Variants in SMG6 observed in about 807,000 individuals in gnomAD.
SMG6 encodes telomerase-binding protein EST1A.
SMG6 carries 66 observed loss-of-function variants against 142.2 expected under a neutral mutation model. The observed-to-expected ratio is 0.46, with a 90% CI of 0.38 to 0.57. The LOEUF (loss-of-function observed/expected upper bound fraction) is 0.57, where lower values mean the gene tolerates loss of function less well. Among genes scored for constraint, SMG6 ranks in the 20% least tolerant of loss-of-function variants. The pLI, the probability that SMG6 is intolerant of heterozygous loss-of-function variation, is 0.00. For synonymous variants in SMG6, 779 were observed against 702.4 expected (o/e 1.11, Z -1.72); for missense variants, 1,793 against 1,832.0 (o/e 0.98, Z 0.39).
intron 8 of SMG6, among the ~76,000 whole-genome samples, chr17:2,250,534 C>T (rs1224436791): frequency 3.3e-5 from 5 of 151,874 alleles, no homozygotes; most frequent in African/African-American, 1.2e-4. Context: ...CCTACAGGCA[C>T]ACACAATCAT....
At position 2,297,847 on chromosome 17, in the gene SMG6, A is replaced by G; in HGVS notation, c.2040+16T>C. The G allele has an allele frequency of 6.2e-7, 1 of 1,605,088 alleles. No homozygotes were observed. Among genetic ancestry groups the G allele is most frequent in the Non-Finnish European group, 8.5e-7 (1 of 1,179,344 alleles). The stretch of plus-strand genomic sequence containing the variant: ...GCTGAAGCCTTTATCCTGAGGACAA[A>G]AAGATGACAGTTTACCTCATCCAAG... On this transcript the variant is annotated intron_variant, in intron 3 of 18. Coordinates refer to ENST00000263073, the MANE Select transcript of SMG6 (RefSeq NM_017575.5).
intron 8 of SMG6, among the ~76,000 whole-genome samples, chr17:2,250,728 G>A (rs2074028321): frequency 6.6e-6 from 1 of 151,994 alleles, no homozygotes; most frequent in Non-Finnish European, 1.5e-5. Flanking sequence ...TTTTAGAAAA[G>A]GGATCTATCC....
At chr17:2,162,621 G>A (rs1258061967) in intron 13 of SMG6, among the ~76,000 whole-genome samples, 4 of 151,628 alleles carry the variant, frequency 2.6e-5, no homozygotes, top group Non-Finnish European at 4.4e-5. Context: ...CTTGAAGCCA[G>A]GAGTTCAAGA....
intron 8 of SMG6, among the ~76,000 whole-genome samples, chr17:2,276,259 G>C (rs1056966478): frequency 5.3e-5 from 8 of 152,074 alleles, no homozygotes; most frequent in Non-Finnish European, 7.4e-5. Flanking sequence ...GCATCCAGTT[G>C]AATCAAGCTG....
intron 15 of SMG6, among the ~76,000 whole-genome samples, chr17:2,074,239 C>T (rs200907158): frequency 0.03 from 211 of 7,144 alleles, no homozygotes; most frequent in African/African-American, 0.18. Flanking sequence ...ACCATGCCCG[C>T]GCTTCTGATT....
At chr17:2,212,168 G>A (rs536857215) in intron 10 of SMG6, among the ~76,000 whole-genome samples, 1 of 152,360 alleles carries the variant, frequency 6.6e-6, no homozygotes, top group South Asian at 2.1e-4. Flanking sequence ...GAAGGGAAGT[G>A]TATAACTGTT....
At position 2,300,111 on chromosome 17, in the gene SMG6, T is replaced by A. The variant is rs767567547; in HGVS notation, c.642A>T (p.Gly214=). 1 of 1,614,048 alleles carries A rather than the reference T, an allele frequency of 6.2e-7. No homozygotes were observed. Among genetic ancestry groups the A allele is most frequent in the African/African-American group, 1.3e-5 (1 of 74,922 alleles). ...CTTTTCCCATCCTCTTTCCTTTTTCTCCTTTTGCAGCCCCTACTCTCCCAC... is the reference window on the plus strand; with the variant it reads ...CTTTTCCCATCCTCTTTCCTTTTTCACCTTTTGCAGCCCCTACTCTCCCAC... ...PGGGRVGAAK[G]EKGKRMGKGE... Residue 214 remains glycine, a synonymous_variant, in exon 2 of 19, where the codon GGA becomes GGT. Coordinates refer to ENST00000263073, the MANE Select transcript of SMG6 (RefSeq NM_017575.5).
chr17:2,079,470 G>A (rs1442609066), intron 15 of SMG6, among the ~76,000 whole-genome samples: 3 of 93,070 alleles, frequency 3.2e-5, no homozygotes, highest in African/African-American at 1.2e-4. Context: ...TGGTCTCTAC[G>A]AAAAATACAA....
intron 13 of SMG6, among the ~76,000 whole-genome samples, chr17:2,146,124 C>CA (rs2070660894): frequency 6.6e-6 from 1 of 152,080 alleles, no homozygotes; most frequent in Admixed American, 6.6e-5. Flanking sequence ...TTATAATTCT[C>CA]AAAAAACAAT....
intron 15 of SMG6, among the ~76,000 whole-genome samples, chr17:2,073,327 G>T (rs887681572): frequency 1.3e-5 from 2 of 151,926 alleles, no homozygotes; most frequent in African/African-American, 4.8e-5. Context: ...CAGGTGATCC[G>T]CCCGCCTCGG....
At chr17:2,209,097 G>A (rs1262381841) in intron 10 of SMG6, among the ~76,000 whole-genome samples, 4 of 151,742 alleles carry the variant, frequency 2.6e-5, no homozygotes, top group Admixed American at 6.6e-5. Flanking sequence ...CCAGGAGGAG[G>A]AGCTTGCAGT....
chr17:2,090,198 AAAAAGG>A (rs1325123020), intron 13 of SMG6, among the ~76,000 whole-genome samples: 1 of 151,058 alleles, frequency 6.6e-6, no homozygotes, highest in Non-Finnish European at 1.5e-5. Context: ...AAAAAAAAAA[AAAAAGG>A]AAAGAAGAAA....
At chr17:2,218,493 C>T (rs1413490135) in intron 10 of SMG6, among the ~76,000 whole-genome samples, 3 of 152,130 alleles carry the variant, frequency 2.0e-5, no homozygotes, top group African/African-American at 7.2e-5. Flanking sequence ...TTGCAGTGAG[C>T]CTAGATCGCA....
At chr17:2,184,357 T>TG (rs775892819) in intron 12 of SMG6, among the ~76,000 whole-genome samples, 20 of 144,666 alleles carry the variant, frequency 1.4e-4, no homozygotes, top group Non-Finnish European at 2.0e-4. Context: ...AGCAAGACTC[T>TG]GGGGGGAAAA....
intron 12 of SMG6, among the ~76,000 whole-genome samples, chr17:2,177,474 C>T (rs2071684460): frequency 6.6e-6 from 1 of 152,150 alleles, no homozygotes; most frequent in Non-Finnish European, 1.5e-5. Flanking sequence ...GAGGATGAGG[C>T]ACTCACACAC....
intron 13 of SMG6, among the ~76,000 whole-genome samples, chr17:2,105,207 G>A (rs1277592108): frequency 1.3e-5 from 2 of 150,372 alleles, no homozygotes; most frequent in African/African-American, 2.4e-5. Context: ...GATTACAGGC[G>A]TGAGCCACTG....
chr17:2,188,527 C>T lies in SMG6; in HGVS notation c.2870-12G>A, dbSNP rs1346292540. ...CTCCGAGAAGCAGTCTGCGGACAGGCAAATGAAACTCTCAGCGCCCCAGGC... is the reference window on the plus strand; with the variant it reads ...CTCCGAGAAGCAGTCTGCGGACAGGTAAATGAAACTCTCAGCGCCCCAGGC... On this transcript the variant is annotated splice_polypyrimidine_tract_variant and intron_variant, in intron 10 of 18. Coordinates refer to ENST00000263073, the MANE Select transcript of SMG6 (RefSeq NM_017575.5). 3 of 1,610,520 alleles carry T rather than the reference C, an allele frequency of 1.9e-6. No individual in the cohort carries two copies. In the African/African-American group the frequency reaches 4.0e-5, roughly 22 times the overall value.
chr17:2,155,797 T>A (rs2151611094), intron 13 of SMG6, among the ~76,000 whole-genome samples: 1 of 152,356 alleles, frequency 6.6e-6, no homozygotes, highest in East Asian at 1.9e-4. Context: ...GGTCTTTTCA[T>A]TTAAATGGAG....
In SMG6 at chr17:2,061,406, G is replaced by C; in HGVS notation, c.*86C>G. 7.5e-7 allele frequency: 1 copy of C among 1,332,976 alleles called. No homozygotes were observed. Among genetic ancestry groups the C allele is most frequent in the Non-Finnish European group, 1.0e-6 (1 of 978,104 alleles). 82.6% of individuals were successfully genotyped at this position (1,332,976 alleles called of 1,614,324 possible). On this transcript the variant is annotated 3_prime_UTR_variant, in exon 19 of 19. Coordinates refer to ENST00000263073, the MANE Select transcript of SMG6 (RefSeq NM_017575.5). ...TTGTCTGGGTGGATTGGTGGCTCAG[G>C]CACGTGGGCATCTTCCGTGCTACAC... is the stretch of plus-strand genomic sequence containing the variant.
Sources: gnomAD v4.1 joint callset for allele counts (sites outside exome capture counted in the v4.1 genomes callset) on GRCh38, gnomAD v4.1.1 for gene constraint, MANE v1.5 for transcripts, NCBI Gene and HGNC (gene_info 2026-07-23, HGNC 2026-07-21) for gene names.